The following SDCCAG8 variants were observed in gnomAD, a reference collection of about 807,000 sequenced individuals.
SDCCAG8 encodes SHH signaling and ciliogenesis regulator SDCCAG8.
A neutral mutation model predicts 101.8 loss-of-function variants in SDCCAG8; 74 were observed. That is an observed-to-expected ratio of 0.73 (90% confidence interval 0.60 to 0.88). SDCCAG8 has a LOEUF of 0.88. Ranked by LOEUF, SDCCAG8 falls within the 40% of genes least tolerant of loss-of-function variation. The pLI is 0.00. For synonymous variants in SDCCAG8, 281 were observed against 292.9 expected (o/e 0.96, Z 0.41); for missense variants, 787 against 822.6 (o/e 0.96, Z 0.53).
At chr1:243,279,846 T>C (rs977720283) in intron 4 of SDCCAG8, among the ~76,000 whole-genome samples, 1 of 152,242 alleles carries the variant, frequency 6.6e-6, no homozygotes, top group Non-Finnish European at 1.5e-5. Context: ...TCATTAGACA[T>C]ATTGATCTGT....
At chr1:243,399,443 G>GT (rs1436429223) in intron 13 of SDCCAG8, among the ~76,000 whole-genome samples, 1 of 152,052 alleles carries the variant, frequency 6.6e-6, no homozygotes, top group Non-Finnish European at 1.5e-5. Context: ...AAAACACAAA[G>GT]GTTCTTTAGC....
intron 16 of SDCCAG8, among the ~76,000 whole-genome samples, chr1:243,459,376 C>G (rs1658559203): frequency 6.6e-6 from 1 of 152,072 alleles, no homozygotes; most frequent in East Asian, 1.9e-4. Flanking sequence ...GAAGATGGTC[C>G]TGTTGAACCT....
intron 13 of SDCCAG8, among the ~76,000 whole-genome samples, chr1:243,393,216 A>G (rs2078814507): frequency 6.6e-6 from 1 of 152,212 alleles, no homozygotes; most frequent in Non-Finnish European, 1.5e-5. Context: ...AACCTGTGTT[A>G]GCACTTTGGG....
In SDCCAG8 at chr1:243,473,919, CGGCGGGGGGGG is replaced by C. The variant is rs1213424702; in HGVS notation, c.1986-15092_1986-15082del. On this transcript the variant is annotated intron_variant, in intron 16 of 17. Coordinates refer to ENST00000366541, the MANE Select transcript of SDCCAG8 (RefSeq NM_006642.5). ...AGTTTGGTTATTGGAGGAGAGTTGC[CGGCGGGGGGGG>C]GGGGGGGGGCCGGGGGAGTACTTCT... Among the ~76,000 whole-genome samples the C allele has an allele frequency of 1.2e-3, 4 of 3,446 alleles. 1 individual carries two copies. Among genetic ancestry groups the C allele is most frequent in the Non-Finnish European group, 2.3e-3 (3 of 1,284 alleles). 2.3% of individuals were successfully genotyped at this position (3,446 alleles called of 152,430 possible).
chr1:243,394,869 G>A (rs565934867), intron 13 of SDCCAG8, among the ~76,000 whole-genome samples: 2 of 149,892 alleles, frequency 1.3e-5, no homozygotes, highest in South Asian at 4.2e-4. Context: ...TTTTTCCCCT[G>A]TAAAATTTGT....
intron 16 of SDCCAG8, among the ~76,000 whole-genome samples, chr1:243,457,894 G>A (rs79726976): frequency 5.3e-5 from 8 of 152,202 alleles, no homozygotes; most frequent in African/African-American, 1.4e-4. Flanking sequence ...ATACTGTGAG[G>A]CAGCATTGCT....
At chr1:243,410,540 T>C (rs1053739647) in intron 13 of SDCCAG8, among the ~76,000 whole-genome samples, 4 of 152,260 alleles carry the variant, frequency 2.6e-5, no homozygotes, top group South Asian at 2.1e-4. Flanking sequence ...ATGTCTCACA[T>C]TGGAACTTCA....
intron 8 of SDCCAG8, among the ~76,000 whole-genome samples, chr1:243,314,267 G>A (rs954601216): frequency 2.0e-5 from 3 of 152,138 alleles, no homozygotes; most frequent in African/African-American, 4.8e-5. Context: ...GAGTGTAATC[G>A]TTTTGTGGTC....
rs940239447 is a variant in SDCCAG8 at position 243,494,634 on chromosome 1, C to T, written c.2113-5122C>T. 5.3e-5 allele frequency among the ~76,000 whole-genome samples: 8 copies of T among 152,318 alleles called. No individual in the cohort carries two copies. The East Asian group carries it at 9.6e-4, about 18-fold the overall frequency. Reference sequence around the variant, plus strand: ...TTCATTTTAGCCAGACTTGCTCTTCCGTTAACAGTTCACTTTGTCCAAGAG... The same window carrying T: ...TTCATTTTAGCCAGACTTGCTCTTCTGTTAACAGTTCACTTTGTCCAAGAG... On this transcript the variant is annotated intron_variant, in intron 17 of 17. Coordinates refer to ENST00000366541, the MANE Select transcript of SDCCAG8 (RefSeq NM_006642.5).
intron 10 of SDCCAG8, among the ~76,000 whole-genome samples, chr1:243,330,979 G>A (rs1253599878): frequency 2.6e-5 from 4 of 152,008 alleles, no homozygotes; most frequent in South Asian, 2.1e-4. Context: ...TCCCTCTCTC[G>A]TGTTTCCCAG....
chr1:243,281,414 A>G (rs1213468280), intron 4 of SDCCAG8, among the ~76,000 whole-genome samples: 2 of 149,326 alleles, frequency 1.3e-5, no homozygotes, highest in Non-Finnish European at 3.0e-5. Flanking sequence ...GGGATTACAG[A>G]TATGAGCCAC....
intron 3 of SDCCAG8, among the ~76,000 whole-genome samples, chr1:243,273,027 C>G (rs2068222643): frequency 2.0e-5 from 3 of 152,136 alleles, no homozygotes; most frequent in African/African-American, 7.2e-5. Context: ...ACATTGACTT[C>G]CTCCTGTATA....
intron 16 of SDCCAG8, among the ~76,000 whole-genome samples, chr1:243,480,340 A>G (rs141118202): frequency 0.015 from 570 of 38,594 alleles, no homozygotes; most frequent in Middle Eastern, 0.056. Context: ...ATGGATGGAT[A>G]GGTGGGATGG....
At chr1:243,488,730 G>C (rs577162990) in intron 16 of SDCCAG8, among the ~76,000 whole-genome samples, 1 of 152,290 alleles carries the variant, frequency 6.6e-6, no homozygotes, top group African/African-American at 2.4e-5. Context: ...CTGCTTGGGA[G>C]TTCAAAGCTT....
chr1:243,319,322 A>T (rs2073548599), intron 9 of SDCCAG8, among the ~76,000 whole-genome samples: 1 of 152,026 alleles, frequency 6.6e-6, no homozygotes, highest in South Asian at 2.1e-4. Context: ...CTAATCAATA[A>T]AATCTCTCAA....
At chr1:243,483,651 G>A (rs1664227641) in intron 16 of SDCCAG8, among the ~76,000 whole-genome samples, 1 of 151,130 alleles carries the variant, frequency 6.6e-6, no homozygotes, top group Non-Finnish European at 1.5e-5. Context: ...TTCTGCCCCA[G>A]CCAGGAGGCT....
chr1:243,324,275 A>G (rs888692503), intron 9 of SDCCAG8, among the ~76,000 whole-genome samples: 1 of 152,082 alleles, frequency 6.6e-6, no homozygotes, highest in African/African-American at 2.4e-5. Context: ...AGGCATCACC[A>G]TCTTCACCGC....
chr1:243,327,752 G>A (rs994998949), intron 9 of SDCCAG8, among the ~76,000 whole-genome samples: 12 of 152,158 alleles, frequency 7.9e-5, no homozygotes, highest in Non-Finnish European at 1.3e-4. Context: ...TAGTATGTGC[G>A]GTCCAGTGTG....
chr1:243,401,324 A>G (rs2079384672), intron 13 of SDCCAG8, among the ~76,000 whole-genome samples: 3 of 152,248 alleles, frequency 2.0e-5, no homozygotes, highest in Non-Finnish European at 4.4e-5. Flanking sequence ...CGAAAACTAC[A>G]AAGGCAACAG....
Sources: allele counts gnomAD v4.1 joint callset (sites outside exome capture counted in the v4.1 genomes callset), GRCh38; gene constraint gnomAD v4.1.1; transcripts MANE v1.5; gene names NCBI Gene and HGNC (gene_info 2026-07-23, HGNC 2026-07-21).